CCSER1: variants seen among roughly 807,000 people sequenced by gnomAD.
CCSER1 encodes the protein coiled-coil serine rich protein 1, also known as serine-rich coiled-coil domain-containing protein 1.
Under a neutral mutation model 82.0 loss-of-function variants are expected in CCSER1, and 41 were observed. The observed-to-expected ratio is 0.50, with a 90% CI of 0.39 to 0.65. The LOEUF (loss-of-function observed/expected upper bound fraction) is 0.65, where lower values mean the gene tolerates loss of function less well. CCSER1 is among the 30% of genes least tolerant of loss of function. The pLI, the probability that CCSER1 is intolerant of heterozygous loss-of-function variation, is 0.00. For missense variants in CCSER1, 1,119 were observed against 1,064.2 expected (o/e 1.05, Z -0.72); for synonymous variants, 414 against 383.9 (o/e 1.08, Z -0.92).
rs1736610354 is a variant in CCSER1 at position 90,694,481 on chromosome 4, T to A, written c.1933-29433T>A. ...TAGATGCTAACTTTCCCTGGTTGAT[T>A]GGGAGAAAAAGTCAATGGAAAGTAA... is the stretch of plus-strand genomic sequence containing the variant. On this transcript the variant is annotated intron_variant, in intron 6 of 10. Transcript: ENST00000509176. Among the ~76,000 whole-genome samples the A allele has an allele frequency of 1.3e-5, 2 of 152,042 alleles. 1 individual carries two copies. The highest frequency in any genetic ancestry group is 1.3e-4 in the Admixed American group (2 of 15,196).
chr4:90,836,706 G>A (rs1161583961), intron 8 of CCSER1, among the ~76,000 whole-genome samples: 2 of 152,182 alleles, frequency 1.3e-5, no homozygotes, highest in African/African-American at 4.8e-5. Flanking sequence ...ACTGGGTGGA[G>A]TCTTGGAAGC....
Position 91,341,463 on chromosome 4 carries a change from G to A in CCSER1, c.2217+255469G>A, listed in dbSNP as rs185989004. Among the ~76,000 whole-genome samples, 39 of 152,278 alleles carry A rather than the reference G, an allele frequency of 2.6e-4. 1 individual carries two copies. In the East Asian group the frequency reaches 7.3e-3, roughly 29 times the overall value. On this transcript the variant is annotated intron_variant, in intron 10 of 10. Transcript: ENST00000509176. ...AAGTAGCTTTAATGGTTTTCTGATA[G>A]AGAAAAAAATTGAATACAATTGAAA... is the stretch of plus-strand genomic sequence containing the variant.
At chr4:90,326,027 G>A (rs1160814919) in intron 3 of CCSER1, among the ~76,000 whole-genome samples, 3 of 149,160 alleles carry the variant, frequency 2.0e-5, no homozygotes. Flanking sequence ...ATCTGCATAT[G>A]CAATTTCACA....
intron 3 of CCSER1, among the ~76,000 whole-genome samples, chr4:90,348,372 A>G (rs998169185): frequency 3.3e-5 from 5 of 152,210 alleles, no homozygotes; most frequent in Non-Finnish European, 5.9e-5. Flanking sequence ...GAAATCATAG[A>G]TTATATAATA....
Position 91,567,811 on chromosome 4 carries a change from C to T in CCSER1, c.2218-30761C>T, listed in dbSNP as rs541523857. On this transcript the variant is annotated intron_variant, in intron 10 of 10. Coordinates refer to ENST00000509176, the MANE Select transcript of CCSER1 (RefSeq NM_001145065.2). ...ACAGCTACCCACTGAGTCTTGCTTT[C>T]ATACACAGCTTGCCACTCTGCATTT... 2.6e-5 allele frequency among the ~76,000 whole-genome samples: 4 copies of T among 152,158 alleles called. No individual in the cohort carries two copies. In the South Asian group the frequency reaches 8.3e-4, roughly 32 times the overall value.
chr4:91,018,062 A>G (rs575602064), intron 9 of CCSER1, among the ~76,000 whole-genome samples: 6 of 152,262 alleles, frequency 3.9e-5, no homozygotes, highest in East Asian at 1.9e-4. Context: ...AGTCTCCAGT[A>G]TATTAAACAT....
At chr4:91,009,159 C>A (rs1350681783) in intron 9 of CCSER1, among the ~76,000 whole-genome samples, 1 of 152,124 alleles carries the variant, frequency 6.6e-6, no homozygotes, top group East Asian at 1.9e-4. Flanking sequence ...GACAGCAAGA[C>A]AAAAGCTCAG....
In CCSER1 at chr4:90,691,780, A is replaced by C. The variant is rs145483192; in HGVS notation, c.1933-32134A>C. Among the ~76,000 whole-genome samples, 667 of 151,818 alleles carry C rather than the reference A, an allele frequency of 4.4e-3. 5 individuals carry two copies. Among genetic ancestry groups the C allele is most frequent in the Admixed American group, 0.015 (222 of 15,184 alleles). On this transcript the variant is annotated intron_variant, in intron 6 of 10. Transcript: ENST00000509176. The stretch of plus-strand genomic sequence containing the variant: ...AAATTGCATGTCACAGGGGTTTGGC[A>C]TACGGATTATTTCATCACCCAGGTA...
chr4:91,517,807 TAC>T (rs1760225427), intron 10 of CCSER1, among the ~76,000 whole-genome samples: 1 of 150,906 alleles, frequency 6.6e-6, no homozygotes, highest in Non-Finnish European at 1.5e-5. Flanking sequence ...ATAAATTGAG[TAC>T]AGTCAGTAAA....
chr4:91,006,292 T>G (rs980862759), intron 9 of CCSER1, among the ~76,000 whole-genome samples: 6 of 152,178 alleles, frequency 3.9e-5, no homozygotes, highest in Middle Eastern at 6.8e-3. Context: ...GAGATTTTTT[T>G]TGTGTGCTAT....
chr4:90,307,125 A>G (rs1734429336), intron 1 of CCSER1, among the ~76,000 whole-genome samples: 1 of 152,152 alleles, frequency 6.6e-6, no homozygotes, highest in African/African-American at 2.4e-5. Context: ...TAGTCTTATT[A>G]CTTATTTCTA....
In CCSER1 at chr4:91,379,471, T is replaced by A. The variant is rs1352784020; in HGVS notation, c.2218-219101T>A. 2.0e-5 allele frequency among the ~76,000 whole-genome samples: 3 copies of A among 152,202 alleles called. No individual in the cohort carries two copies. In the East Asian group the frequency reaches 5.8e-4, roughly 29 times the overall value. On this transcript the variant is annotated intron_variant, in intron 10 of 10. Coordinates refer to ENST00000509176, the MANE Select transcript of CCSER1 (RefSeq NM_001145065.2). ...TTCAGGGATTCAACTTCTTCCTGGT[T>A]TACCCTTGGGAGGGTGTATGTGTCC...
At chr4:90,782,598 G>T (rs1309936335) in intron 7 of CCSER1, among the ~76,000 whole-genome samples, 1 of 151,730 alleles carries the variant, frequency 6.6e-6, no homozygotes, top group Admixed American at 6.6e-5. Flanking sequence ...AATTTTCGGT[G>T]AAAAAGGGGA....
At chr4:91,484,624 T>C (rs1485491024) in intron 10 of CCSER1, among the ~76,000 whole-genome samples, 1 of 152,154 alleles carries the variant, frequency 6.6e-6, no homozygotes, top group Non-Finnish European at 1.5e-5. Context: ...ATTTATGAAT[T>C]CATACTATCT....
At chr4:90,630,015 A>G (rs1579582032) in intron 6 of CCSER1, among the ~76,000 whole-genome samples, 1 of 152,234 alleles carries the variant, frequency 6.6e-6, no homozygotes, top group East Asian at 1.9e-4. Flanking sequence ...GGTAGCTTGA[A>G]ATCAGCCATG....
At chr4:90,928,117 TTA>T (rs372885361) in intron 9 of CCSER1, among the ~76,000 whole-genome samples, 174 of 152,232 alleles carry the variant, frequency 1.1e-3, no homozygotes, top group Admixed American at 3.0e-3. Flanking sequence ...CTTCATGTAT[TTA>T]TATTTACTTA....
intron 7 of CCSER1, among the ~76,000 whole-genome samples, chr4:90,731,711 A>G (rs1445446256): frequency 1.3e-5 from 2 of 152,198 alleles, no homozygotes; most frequent in Non-Finnish European, 2.9e-5. Context: ...AGAGGGTTCT[A>G]TTATTTATAC....
chr4:90,919,405 G>A (rs984275896), intron 8 of CCSER1, among the ~76,000 whole-genome samples: 26 of 151,938 alleles, frequency 1.7e-4, no homozygotes, highest in African/African-American at 4.8e-4. Flanking sequence ...CAAAGTATCA[G>A]TTTGCTGTTT....
intron 10 of CCSER1, among the ~76,000 whole-genome samples, chr4:91,543,354 C>T (rs952790366): frequency 6.6e-6 from 1 of 152,140 alleles, no homozygotes; most frequent in Non-Finnish European, 1.5e-5. Context: ...ATGATGTTAG[C>T]TGGTTATTTT....
Sources: allele counts gnomAD v4.1 joint callset (sites outside exome capture counted in the v4.1 genomes callset), GRCh38; gene constraint gnomAD v4.1.1; transcripts MANE v1.5; gene names NCBI Gene and HGNC (gene_info 2026-07-23, HGNC 2026-07-21).